The following ENY2 variants were observed in gnomAD, a reference collection of about 807,000 sequenced individuals.
The protein encoded by ENY2 is ENY2 transcription and export complex 2 subunit, also known as transcription and mRNA export factor ENY2.
In ENY2, 4 loss-of-function variants were observed where a neutral mutation model predicts 15.9. That is an observed-to-expected ratio of 0.25 (90% confidence interval 0.12 to 0.57). The LOEUF is 0.57. Among genes scored for constraint, ENY2 ranks in the 20% least tolerant of loss-of-function variants. The pLI is 0.91. For synonymous variants in ENY2, 48 were observed against 38.0 expected (o/e 1.26, Z -0.97); for missense variants, 54 against 117.2 (o/e 0.46, Z 2.49).
At chr8:109,335,731 T>G (rs1815961587) in intron 1 of ENY2, 1 of 155,666 alleles carries the variant, frequency 6.4e-6, no homozygotes, top group Admixed American at 6.5e-5. Context: ...CTTCTCCCAA[T>G]TTTTGGATGC....
intron 1 of ENY2, 83 bp downstream of exon 1, chr8:109,334,557 C>T: frequency 6.7e-7 from 1 of 1,496,356 alleles, no homozygotes; most frequent in Non-Finnish European, 8.9e-7. Context: ...GTTAGCGTCC[C>T]CGACCCGCGC....
At position 109,334,475 on chromosome 8, in the gene ENY2, G is replaced by T; in HGVS notation, c.6+1G>T. On this transcript the variant is annotated splice_donor_variant, in intron 1 of 4. Transcript: ENST00000521688. LOFTEE classifies it high-confidence loss of function. ...ACGGCCCTCGCCCGCGGTGATGGTG[G>T]TGAGCTATGCCCGTGGTCCTCAGGG... The T allele has an allele frequency of 2.5e-6, 4 of 1,613,634 alleles. No homozygotes were observed. Among genetic ancestry groups the T allele is most frequent in the Non-Finnish European group, 3.4e-6 (4 of 1,179,868 alleles).
At chr8:109,342,573 G>T (rs563720393) in intron 4 of ENY2, 4 of 569,644 alleles carry the variant, frequency 7.0e-6, no homozygotes, top group Admixed American at 2.7e-5. Context: ...GCGGTGGCAT[G>T]ATCATGGCTC....
chr8:109,335,972 A>T (rs917697608), intron 1 of ENY2, 156 bp from the exon 2 acceptor site: 1 of 637,878 alleles, frequency 1.6e-6, no homozygotes, highest in African/African-American at 1.8e-5. Context: ...CAAGCACATA[A>T]GTGTTTAATA....
At chr8:109,336,353 T>C in intron 2 of ENY2, 149 bp downstream of exon 2, 2 of 724,776 alleles carry the variant, frequency 2.8e-6, no homozygotes, top group Admixed American at 5.7e-5. Context: ...AAAAAATAAT[T>C]TAGGTTTGTT....
chr8:109,336,085 CT>C (rs776298915), intron 1 of ENY2, 42 bp from the exon 2 acceptor site: 3 of 1,589,556 alleles, frequency 1.9e-6, no homozygotes, highest in East Asian at 4.5e-5. Flanking sequence ...GCAGAAAATG[CT>C]TTGTAAATGT....
At chr8:109,339,450 G>C in intron 3 of ENY2, 60 bp downstream of exon 3, 1 of 1,467,324 alleles carries the variant, frequency 6.8e-7, no homozygotes, top group African/African-American at 1.4e-5. Context: ...ATTGGTTTGG[G>C]GGTTGCTTAT....
In ENY2 at chr8:109,344,160, A is replaced by C. The variant is rs1816182160; in HGVS notation, c.*679A>C. ...GCTTTACCCTGACATCAGGATTGCC[A>C]AATCCAATGGACTCTTGTCTATTCT... On this transcript the variant is annotated 3_prime_UTR_variant, in exon 5 of 5. Coordinates refer to ENST00000521688, the MANE Select transcript of ENY2 (RefSeq NM_020189.6). 6.6e-6 allele frequency: 1 copy of C among 152,230 alleles called. No homozygotes were observed. The highest frequency in any genetic ancestry group is 2.4e-5 in the African/African-American group (1 of 41,454). The allele number at this position is 152,230 out of a possible 1,614,324, so 9.4% of individuals were successfully genotyped here. A position where few individuals can be genotyped will look rare whatever the true frequency, so the allele number is the denominator to read the frequency against.
intron 1 of ENY2, 115 bp downstream of exon 1, chr8:109,334,589 C>T: frequency 1.5e-6 from 2 of 1,301,858 alleles, no homozygotes; most frequent in South Asian, 1.5e-5. Context: ...TAGGGCTCTC[C>T]GACAGGGCGT....
At chr8:109,336,043 A>C in intron 1 of ENY2, 85 bp from the exon 2 acceptor site, 1 of 1,218,150 alleles carries the variant, frequency 8.2e-7, no homozygotes, top group Non-Finnish European at 1.2e-6. Flanking sequence ...ATAGAATGGT[A>C]AACATGTTAG....
intron 2 of ENY2, 71 bp downstream of exon 2, chr8:109,336,275 A>G (rs1224052396): frequency 1.6e-6 from 2 of 1,257,930 alleles, no homozygotes; most frequent in African/African-American, 3.0e-5. Context: ...AATCTAAACA[A>G]GAAATGAAAC....
At chr8:109,335,454 C>G (rs1394983453) in intron 1 of ENY2, 3 of 151,248 alleles carry the variant, frequency 2.0e-5, no homozygotes, top group Non-Finnish European at 4.4e-5. Context: ...CCTCTGTCTC[C>G]TGGGTTCAAG....
chr8:109,340,602 G>T, intron 4 of ENY2, 39 bp downstream of exon 4: 1 of 1,601,708 alleles, frequency 6.2e-7, no homozygotes, highest in South Asian at 1.1e-5. Flanking sequence ...ACATGCTGCA[G>T]ACATGATTTT....
intron 2 of ENY2, chr8:109,336,421 C>T (rs1351755974): frequency 1.1e-5 from 5 of 463,492 alleles, no homozygotes; most frequent in African/African-American, 5.9e-5. Context: ...AGATATGGCT[C>T]TTAAAGAGTA....
rs192510487 is a variant in ENY2, at chr8:109,336,088, T to G, written c.7-40T>G. On this transcript the variant is annotated intron_variant, in intron 1 of 4. Transcript: ENST00000521688. Reference sequence around the variant, plus strand: ...CTAGAGGATTTAGCAGAAAATGCTTTGTAAATGTTCTATATCTGAAAGTAC... The same window carrying G: ...CTAGAGGATTTAGCAGAAAATGCTTGGTAAATGTTCTATATCTGAAAGTAC... 6.9e-4 allele frequency: 1,099 copies of G among 1,597,408 alleles called. 12 individuals are homozygous for G. The African/African-American group carries it at 0.013, about 19-fold the overall frequency.
At position 109,334,391 on chromosome 8, in the gene ENY2, C is replaced by T. The variant is rs904133101; in HGVS notation, c.-78C>T. The T allele has an allele frequency of 5.0e-6, 8 of 1,606,938 alleles. No homozygotes were observed. Among genetic ancestry groups the T allele is most frequent in the Admixed American group, 1.7e-5 (1 of 59,400 alleles). On this transcript the variant is annotated 5_prime_UTR_variant, in exon 1 of 5. Coordinates refer to ENST00000521688, the MANE Select transcript of ENY2 (RefSeq NM_020189.6). ...CTACTGAGGGTCTAAGTCCGGGCAGCCGAAGAGTGTGGTAGGTAACGGTCC... is the reference window on the plus strand; with the variant it reads ...CTACTGAGGGTCTAAGTCCGGGCAGTCGAAGAGTGTGGTAGGTAACGGTCC...
chr8:109,341,164 A>G (rs1816104628), intron 4 of ENY2, among the ~76,000 whole-genome samples: 1 of 152,170 alleles, frequency 6.6e-6, no homozygotes, highest in Non-Finnish European at 1.5e-5. Context: ...CAGGAGCTAC[A>G]TCATTGTTAT....
intron 4 of ENY2, among the ~76,000 whole-genome samples, chr8:109,340,966 A>G (rs1816098807): frequency 6.6e-6 from 1 of 152,148 alleles, no homozygotes; most frequent in African/African-American, 2.4e-5. Flanking sequence ...TTAAAAATTA[A>G]TGAAGGTCTG....
chr8:109,336,888 G>T (rs1241417192), intron 2 of ENY2, among the ~76,000 whole-genome samples: 1 of 152,106 alleles, frequency 6.6e-6, no homozygotes, highest in East Asian at 1.9e-4. Context: ...ATCAAGAAAG[G>T]CTCCCAGAGG....
Sources: allele counts gnomAD v4.1 joint callset (sites outside exome capture counted in the v4.1 genomes callset), GRCh38; gene constraint gnomAD v4.1.1; transcripts MANE v1.5; gene names NCBI Gene and HGNC (gene_info 2026-07-23, HGNC 2026-07-21).